Variants in CWH43 observed in about 807,000 individuals in gnomAD.
CWH43 encodes cell wall biogenesis 43 C-terminal homolog.
A neutral mutation model predicts 85.7 loss-of-function variants in CWH43; 91 were observed. That is an observed-to-expected ratio of 1.06 (90% CI 0.90 to 1.26). The LOEUF (loss-of-function observed/expected upper bound fraction) is 1.26, where lower values mean the gene tolerates loss of function less well. Ranked by LOEUF, CWH43 falls within the 50% of genes most tolerant of loss-of-function variation. The probability of loss-of-function intolerance (pLI) is 0.00; values close to 1 mark genes in which losing one functional copy is unlikely to be tolerated. For missense variants in CWH43, 869 were observed against 839.2 expected, an observed-to-expected ratio of 1.04 and a Z score of -0.44; for synonymous variants, 323 against 293.6, an observed-to-expected ratio of 1.10 and a Z score of -1.02.
intron 15 of CWH43, among the ~76,000 whole-genome samples, chr4:49,056,464 C>T (rs931097636): frequency 2.0e-5 from 3 of 152,032 alleles, no homozygotes; most frequent in African/African-American, 7.2e-5. Context: ...CATATTATTG[C>T]TCATAGTAGT....
At chr4:49,021,559 T>TTGTTCCA (rs1324111596) in intron 9 of CWH43, among the ~76,000 whole-genome samples, 3 of 152,258 alleles carry the variant, frequency 2.0e-5, no homozygotes, top group African/African-American at 7.2e-5. Flanking sequence ...CATATGAATT[T>TTGTTCCA]TAGGATTTTT....
chr4:49,001,152 A>G (rs1782976584), intron 6 of CWH43, among the ~76,000 whole-genome samples: 1 of 152,214 alleles, frequency 6.6e-6, no homozygotes, highest in African/African-American at 2.4e-5. Context: ...GCAAAGATAC[A>G]GGTGCTTTAA....
chr4:48,988,534 T>C lies in CWH43; in HGVS notation c.101T>C (p.Leu34Ser). 1.2e-6 allele frequency: 2 copies of C among 1,613,590 alleles called. No individual in the cohort carries two copies. Among genetic ancestry groups the C allele is most frequent in the African/African-American group, 1.3e-5 (1 of 75,026 alleles). Residue 34 changes from leucine (L) to serine (S), a missense_variant, in exon 2 of 16, where the codon TTG (leucine) becomes TCG (serine). By Grantham distance (145) the Leu-to-Ser change is moderately radical (BLOSUM62 -2). Coordinates refer to ENST00000226432, the MANE Select transcript of CWH43 (RefSeq NM_025087.3). ...GGACCGATGATCTATTACTTTCCTT[T>C]GCAAACACTAGAACTCACTGGGCTT... is the stretch of plus-strand genomic sequence containing the variant. ...DLGPMIYYFP[L>S]QTLELTGLEG...
chr4:49,052,258 A>T (rs1346768266), intron 15 of CWH43, among the ~76,000 whole-genome samples: 1 of 152,142 alleles, frequency 6.6e-6, no homozygotes, highest in Non-Finnish European at 1.5e-5. Context: ...CCTTAGGGTC[A>T]TCTGTCTGGT....
intron 8 of CWH43, 159 bp from the exon 9 acceptor site, chr4:49,017,090 C>T (rs566069209): frequency 1.3e-6 from 1 of 745,130 alleles, no homozygotes; most frequent in Admixed American, 2.0e-5. Context: ...ATGAGCTCCC[C>T]AAGACTCTTC....
intron 15 of CWH43, among the ~76,000 whole-genome samples, chr4:49,054,538 G>A (rs1250357818): frequency 3.9e-5 from 6 of 152,052 alleles, no homozygotes; most frequent in Non-Finnish European, 8.8e-5. Flanking sequence ...TTCTATTCCT[G>A]TGAAAAATGT....
At chr4:49,053,907 G>A (rs1784874402) in intron 15 of CWH43, among the ~76,000 whole-genome samples, 1 of 152,058 alleles carries the variant, frequency 6.6e-6, no homozygotes, top group Admixed American at 6.6e-5. Context: ...CAGTGATTTT[G>A]GATAAAGAAT....
At chr4:48,986,531 A>G in intron 1 of CWH43, 59 bp downstream of exon 1, 1 of 1,546,542 alleles carries the variant, frequency 6.5e-7, no homozygotes, top group Non-Finnish European at 8.7e-7. Context: ...CCATGTCCAG[A>G]GCCGTGGAGC....
At chr4:48,986,768 C>G (rs577057771) in intron 1 of CWH43, 157 of 1,256,748 alleles carry the variant, frequency 1.2e-4, no homozygotes, top group Non-Finnish European at 1.5e-4. Context: ...TCGTGTCGGC[C>G]TTGACCCCGC....
At chr4:49,035,820 T>C (rs564256724) in intron 12 of CWH43, among the ~76,000 whole-genome samples, 2 of 152,324 alleles carry the variant, frequency 1.3e-5, no homozygotes, top group East Asian at 3.9e-4. Context: ...TGGAATCCAA[T>C]ATATTCTACT....
Position 49,039,860 on chromosome 4 carries a change from A to G in CWH43, c.1803+1680A>G, listed in dbSNP as rs1448278281. Among the ~76,000 whole-genome samples the G allele has an allele frequency of 2.0e-5, 3 of 151,960 alleles. No homozygotes were observed. The East Asian group carries it at 5.8e-4, about 29-fold the overall frequency. On this transcript the variant is annotated intron_variant, in intron 13 of 15. Coordinates refer to ENST00000226432, the MANE Select transcript of CWH43 (RefSeq NM_025087.3). ...GCTGCACCCATTAACTCGTCATTTA[A>G]CATTAGGTATATCTCCTAATGCTAT...
rs553776026 is a variant in CWH43 at position 49,025,283 on chromosome 4, G to A, written c.1267-3346G>A. ...ATCATTTTTTTTTTTATTTCTTTAAGTCTGACTTTACCTTTTTCTGGTGCC... is the reference window on the plus strand; with the variant it reads ...ATCATTTTTTTTTTTATTTCTTTAAATCTGACTTTACCTTTTTCTGGTGCC... On this transcript the variant is annotated intron_variant, in intron 9 of 15. Coordinates refer to ENST00000226432, the MANE Select transcript of CWH43 (RefSeq NM_025087.3). 4.5e-3 allele frequency among the ~76,000 whole-genome samples: 679 copies of A among 150,500 alleles called. 4 individuals are homozygous for A. The highest frequency in any genetic ancestry group is 0.011 in the South Asian group (51 of 4,766).
At chr4:49,045,916 C>A (rs918967990) in intron 14 of CWH43, among the ~76,000 whole-genome samples, 9 of 151,968 alleles carry the variant, frequency 5.9e-5, no homozygotes, top group Admixed American at 5.9e-4. Flanking sequence ...ATATATAGTA[C>A]ATTGTTGTAA....
chr4:48,995,844 A>G (rs1012338404), intron 5 of CWH43, among the ~76,000 whole-genome samples: 3 of 152,028 alleles, frequency 2.0e-5, no homozygotes, highest in African/African-American at 7.2e-5. Context: ...CATTCAGGCT[A>G]TTACTGTTGT....
At chr4:49,023,142 G>T (rs1560500243) in intron 9 of CWH43, among the ~76,000 whole-genome samples, 2 of 151,970 alleles carry the variant, frequency 1.3e-5, no homozygotes, top group Non-Finnish European at 2.9e-5. Flanking sequence ...CTCTATTTGT[G>T]CTGTTTCAAA....
chr4:48,993,078 C>T (rs1577652097), intron 4 of CWH43, among the ~76,000 whole-genome samples: 1 of 152,172 alleles, frequency 6.6e-6, no homozygotes, highest in East Asian at 1.9e-4. Context: ...TTTCTTCTAT[C>T]TGGCCTCTGT....
At chr4:49,007,067 G>A in intron 7 of CWH43, 134 bp from the exon 8 acceptor site, 1 of 1,011,420 alleles carries the variant, frequency 9.9e-7, no homozygotes, top group Non-Finnish European at 1.4e-6. Flanking sequence ...AATTGTTTAG[G>A]TTCTGAGATA....
chr4:49,061,969 A>G lies in CWH43; in HGVS notation c.*79A>G. 1 of 1,112,784 alleles carries G rather than the reference A, an allele frequency of 9.0e-7. No individual in the cohort carries two copies. The highest frequency in any genetic ancestry group is 1.6e-5 in the African/African-American group (1 of 63,114). 68.9% of individuals were successfully genotyped at this position (1,112,784 alleles called of 1,614,324 possible). A position where few individuals can be genotyped will look rare whatever the true frequency, so the allele number is the denominator to read the frequency against. Reference sequence around the variant, plus strand: ...AAGATAAAAAGAAGAGATTAATGAAAGTGGGAAAATACACATGAAGAACCT... The same window carrying G: ...AAGATAAAAAGAAGAGATTAATGAAGGTGGGAAAATACACATGAAGAACCT... On this transcript the variant is annotated 3_prime_UTR_variant, in exon 16 of 16. Coordinates refer to ENST00000226432, the MANE Select transcript of CWH43 (RefSeq NM_025087.3).
chr4:49,050,994 T>G, intron 15 of CWH43, 145 bp downstream of exon 15: 1 of 596,690 alleles, frequency 1.7e-6, no homozygotes, highest in Non-Finnish European at 2.7e-6. Flanking sequence ...GATGATAAAA[T>G]CTGGTTTGGG....
Sources: gnomAD v4.1 joint callset for allele counts (sites outside exome capture counted in the v4.1 genomes callset) on GRCh38, gnomAD v4.1.1 for gene constraint, MANE v1.5 for transcripts, NCBI Gene and HGNC (gene_info 2026-07-23, HGNC 2026-07-21) for gene names.